KNDC1: variants seen among roughly 807,000 people sequenced by gnomAD.
The protein encoded by KNDC1 is kinase non-catalytic C-lobe domain-containing protein 1.
In KNDC1, 106 loss-of-function variants were observed where a neutral mutation model predicts 172.8. The ratio of observed to expected loss-of-function variants is 0.61; its 90% CI spans 0.52 to 0.72. The LOEUF is 0.72. KNDC1 is among the 30% of genes least tolerant of loss of function. The pLI is 0.00. For synonymous variants in KNDC1, 1,083 were observed against 1,062.2 expected (o/e 1.02, Z -0.38); for missense variants, 2,325 against 2,394.5 (o/e 0.97, Z 0.61).
At position 133,224,518 on chromosome 10, in the gene KNDC1, TACAG is replaced by T. The variant is rs936300623; in HGVS notation, c.5019-137_5019-134del. The T allele has an allele frequency of 1.7e-5, 11 of 647,844 alleles. No individual in the cohort carries two copies. In the African/African-American group the frequency reaches 1.8e-4, roughly 11 times the overall value. The allele number at this position is 647,844 out of a possible 1,614,324, so 40.1% of individuals were successfully genotyped here. ...GTGACCTTTCCACCTCGCCAATAAA[TACAG>T]ACAACCCACCCTTCAGAATTTACAC... is the stretch of plus-strand genomic sequence containing the variant. On this transcript the variant is annotated intron_variant, in intron 29 of 29. Coordinates refer to ENST00000304613, the MANE Select transcript of KNDC1 (RefSeq NM_152643.8). This position sits in a 1 kb window ranked among gnomAD's most constrained non-coding sequence, Gnocchi z 5.4.
chr10:133,195,480 G>A (rs1305957270), intron 9 of KNDC1, among the ~76,000 whole-genome samples, 183 bp from the exon 10 acceptor site: 2 of 152,190 alleles, frequency 1.3e-5, no homozygotes, highest in African/African-American at 2.4e-5. Flanking sequence ...CCTGGACCAC[G>A]ACCTGGAGGC....
At chr10:133,177,111 G>T (rs898040112) in intron 3 of KNDC1, among the ~76,000 whole-genome samples, 2 of 152,166 alleles carry the variant, frequency 1.3e-5, no homozygotes, top group African/African-American at 4.8e-5. Flanking sequence ...GCTGCTGCCT[G>T]GCAGAGAATG....
rs1175274137 is a variant in KNDC1, at chr10:133,224,848, G to C, written c.5208G>C (p.Lys1736Asn). The change falls in exon 30 of 30, where the codon AAG becomes AAC. Residue 1736 changes from lysine (K) to asparagine (N), a missense_variant. Physicochemically the swap from Lys to Asn is moderately conservative, Grantham distance 94 (BLOSUM62 0). Coordinates refer to ENST00000304613, the MANE Select transcript of KNDC1 (RefSeq NM_152643.8). The surrounding 1 kb of genome is among the most constrained non-coding windows in gnomAD (Gnocchi z 5.4). ...TCTCCAGCGAGAAGCACTCACGGAA[G>C]ATTCAGGACAAGCTACGGAGGATGA... ...HQVSSEKHSR[K>N]IQDKLRRMKA... The C allele has an allele frequency of 6.2e-7, 1 of 1,613,930 alleles. No homozygotes were observed. Among genetic ancestry groups the C allele is most frequent in the Non-Finnish European group, 8.5e-7 (1 of 1,180,028 alleles).
At chr10:133,206,439 G>T (rs578004895) in intron 17 of KNDC1, among the ~76,000 whole-genome samples, 1 of 152,190 alleles carries the variant, frequency 6.6e-6, no homozygotes, top group South Asian at 2.1e-4. Context: ...GGTGAGGGGC[G>T]CAGGGAGCAG....
intron 1 of KNDC1, chr10:133,167,086 C>A: frequency 2.1e-6 from 1 of 472,676 alleles, no homozygotes; most frequent in Non-Finnish European, 3.9e-6. Context: ...GAGCAGGTGA[C>A]CCAGCAGCTC....
At chr10:133,189,906 C>T (rs949923871) in intron 9 of KNDC1, 93 bp downstream of exon 9, 2 of 1,090,088 alleles carry the variant, frequency 1.8e-6, no homozygotes, top group Non-Finnish European at 2.7e-6. Context: ...CATCAGGACT[C>T]GAGGGAGTCA....
Position 133,160,396 on chromosome 10 carries a change from C to G in KNDC1, c.-72C>G, listed in dbSNP as rs1040071075. 3 of 899,446 alleles carry G rather than the reference C, an allele frequency of 3.3e-6. No homozygotes were observed. Among genetic ancestry groups the G allele is most frequent in the Non-Finnish European group, 4.4e-6 (3 of 678,124 alleles). 55.7% of individuals were successfully genotyped at this position (899,446 alleles called of 1,614,324 possible). On this transcript the variant is annotated 5_prime_UTR_variant, in exon 1 of 30. Coordinates refer to ENST00000304613, the MANE Select transcript of KNDC1 (RefSeq NM_152643.8). Reference sequence around the variant, plus strand: ...AGGGCCGGGCGCGTCTCCATGGAGCCAGGGCGCGCGTAGCCGAGCCCAGCC... The same window carrying G: ...AGGGCCGGGCGCGTCTCCATGGAGCGAGGGCGCGCGTAGCCGAGCCCAGCC...
chr10:133,200,417 C>A lies in KNDC1; in HGVS notation c.2946C>A (p.Ser982Arg), dbSNP rs780118720. ...GGTCACAGCTCGAGGGCAGCCAAAG[C>A]CCCCGCTCCCCGTCCAGCAAGAGGC... The part of the protein sequence containing the change: ...EAGSQLEGSQ[S>R]PRSPSSKRPS... Residue 982 changes from serine to arginine, a missense_variant, in exon 16 of 30, where the codon AGC becomes AGA. Coordinates refer to ENST00000304613, the MANE Select transcript of KNDC1 (RefSeq NM_152643.8). 1.3e-6 allele frequency: 2 copies of A among 1,597,720 alleles called. No individual in the cohort carries two copies. Among genetic ancestry groups the A allele is most frequent in the Non-Finnish European group, 8.5e-7 (1 of 1,173,186 alleles).
intron 16 of KNDC1, among the ~76,000 whole-genome samples, chr10:133,201,272 A>C (rs925717666): frequency 8.5e-5 from 13 of 152,150 alleles, no homozygotes; most frequent in African/African-American, 2.9e-4. Context: ...GTGGGGCTCC[A>C]TCTGGGGAGA....
chr10:133,223,363 C>T lies in KNDC1; in HGVS notation c.5019-1296C>T, dbSNP rs1416069539. On this transcript the variant is annotated intron_variant, in intron 29 of 29. Coordinates refer to ENST00000304613, the MANE Select transcript of KNDC1 (RefSeq NM_152643.8). Reference sequence around the variant, plus strand: ...AGAGCCCATCCAGGCATGCTCTTCTCGGCGTGTGTGTGTCTGTGAGAGCCC... The same window carrying T: ...AGAGCCCATCCAGGCATGCTCTTCTTGGCGTGTGTGTGTCTGTGAGAGCCC... Among the ~76,000 whole-genome samples, 9 of 43,764 alleles carry T rather than the reference C, an allele frequency of 2.1e-4. 3 individuals are homozygous for T. Among genetic ancestry groups the T allele is most frequent in the Admixed American group, 2.7e-4 (1 of 3,744 alleles). The allele number at this position is 43,764 out of a possible 152,430, so 28.7% of individuals were successfully genotyped here.
intron 23 of KNDC1, 148 bp downstream of exon 23, chr10:133,212,006 CACAT>C (rs1845377300): frequency 4.1e-6 from 3 of 737,644 alleles, no homozygotes; most frequent in Non-Finnish European, 6.4e-6. Flanking sequence ...TAGACGTGTG[CACAT>C]ACACTTGTGT....
In KNDC1 at chr10:133,197,753, C is replaced by G; in HGVS notation, c.1891C>G (p.Pro631Ala). Residue 631 changes from proline (P) to alanine (A), a missense_variant, in exon 12 of 30, where the codon CCA becomes GCA. Transcript: ENST00000304613. The stretch of plus-strand genomic sequence containing the variant: ...ACTGAAGCCCAGTGTGGCACCAGCC[C>G]CAGAGCCCAGCCCAGGTGGGGACCT... Reference protein sequence around the residue: ...VELKPSVAPAPEPSPGFLPVN... With the variant: ...VELKPSVAPAAEPSPGFLPVN... The G allele has an allele frequency of 6.2e-7, 1 of 1,612,250 alleles. No homozygotes were observed. Among genetic ancestry groups the G allele is most frequent in the Non-Finnish European group, 8.5e-7 (1 of 1,179,804 alleles).
intron 3 of KNDC1, among the ~76,000 whole-genome samples, chr10:133,175,739 G>A (rs561173182): frequency 1.3e-5 from 2 of 151,350 alleles, no homozygotes; most frequent in East Asian, 2.0e-4. Flanking sequence ...TGGGTGAATG[G>A]ACGGATGAGT....
chr10:133,185,465 A>G (rs34457014), intron 5 of KNDC1, among the ~76,000 whole-genome samples: 1,258 of 39,322 alleles, frequency 0.032, 48 homozygotes, highest in Middle Eastern at 0.043. Context: ...TGTGCAGTGT[A>G]GAGTAGGCAG....
chr10:133,198,543 C>T, intron 13 of KNDC1, 35 bp from the exon 14 acceptor site: 1 of 1,579,094 alleles, frequency 6.3e-7, no homozygotes. Flanking sequence ...GTCCCGGGCG[C>T]AGGCAGCCCC....
intron 3 of KNDC1, among the ~76,000 whole-genome samples, chr10:133,178,577 G>A (rs893790104): frequency 6.6e-6 from 1 of 152,030 alleles, no homozygotes; most frequent in Non-Finnish European, 1.5e-5. Flanking sequence ...TGAGGGTTCC[G>A]GTCCCCCCTC....
rs1279690669 is a variant in KNDC1 at position 133,201,796 on chromosome 10, C to T, written c.3285C>T (p.Ser1095=). Reference sequence around the variant, plus strand: ...AGAGCTGCAGCCCCGGCTGGTGCAGCGCCTTCTACGAGGCCGACTGCTTCG... The same window carrying T: ...AGAGCTGCAGCCCCGGCTGGTGCAGTGCCTTCTACGAGGCCGACTGCTTCG... ...GFQSCSPGWC[S]AFYEADCFGA... is the part of the protein sequence containing the mutation. The change falls in exon 17 of 30, where the codon AGC becomes AGT. Residue 1095 remains serine, a synonymous_variant. Coordinates refer to ENST00000304613, the MANE Select transcript of KNDC1 (RefSeq NM_152643.8). 8 of 1,525,438 alleles carry T rather than the reference C, an allele frequency of 5.2e-6. No individual in the cohort carries two copies. Among genetic ancestry groups the T allele is most frequent in the East Asian group, 4.6e-5 (2 of 43,426 alleles). The allele number at this position is 1,525,438 out of a possible 1,614,324, so 94.5% of individuals were successfully genotyped here. A position where few individuals can be genotyped will look rare whatever the true frequency, so the allele number is the denominator to read the frequency against.
chr10:133,182,113 A>G (rs919839888), intron 3 of KNDC1, among the ~76,000 whole-genome samples: 1 of 152,142 alleles, frequency 6.6e-6, no homozygotes, highest in Non-Finnish European at 1.5e-5. Context: ...AGACCCTGAC[A>G]GAGAGGGGGA....
chr10:133,198,437 G>A lies in KNDC1; in HGVS notation c.2007G>A (p.Ala669=), dbSNP rs760314836. Residue 669 remains alanine, a synonymous_variant, in exon 13 of 30, where the codon GCG becomes GCA. Transcript: ENST00000304613. ...CGEEATQLPA[A]FTSEATHFKP... ...AAGAAGCCACCCAGCTGCCTGCAGC[G>A]TTCACCTCCGAGGCCACGCACTTCA... 1.8e-5 allele frequency: 29 copies of A among 1,602,690 alleles called. No homozygotes were observed. The Middle Eastern group carries it at 4.9e-4, about 27-fold the overall frequency.
Sources: allele counts gnomAD v4.1 joint callset (sites outside exome capture counted in the v4.1 genomes callset), GRCh38; gene constraint gnomAD v4.1.1; non-coding constraint Gnocchi (gnomAD v3.1); transcripts MANE v1.5; gene names NCBI Gene and HGNC (gene_info 2026-07-23, HGNC 2026-07-21).